CHST11: variants seen among roughly 807,000 people sequenced by gnomAD.
CHST11 encodes the protein carbohydrate sulfotransferase 11.
In CHST11, 9 loss-of-function variants were observed where a neutral mutation model predicts 30.4. The observed-to-expected ratio is 0.30, with a 90% CI of 0.18 to 0.52. CHST11 has a LOEUF of 0.52. CHST11 is among the 20% of genes least tolerant of loss of function. The pLI is 0.97. For missense variants in CHST11, 348 were observed against 460.6 expected (o/e 0.76, Z 2.24); for synonymous variants, 152 against 187.8 (o/e 0.81, Z 1.56).
At chr12:104,567,132 A>G (rs985845732) in intron 1 of CHST11, among the ~76,000 whole-genome samples, 1 of 152,212 alleles carries the variant, frequency 6.6e-6, no homozygotes, top group African/African-American at 2.4e-5. Context: ...GGAGTACACT[A>G]TCACACTGAC....
chr12:104,549,332 T>A (rs1033006004), intron 1 of CHST11, among the ~76,000 whole-genome samples: 4 of 152,302 alleles, frequency 2.6e-5, no homozygotes, highest in East Asian at 1.9e-4. Context: ...AGTCTGGAGT[T>A]ATTGCAATTC....
At chr12:104,599,344 T>C (rs1033644021) in intron 1 of CHST11, among the ~76,000 whole-genome samples, 16 of 152,194 alleles carry the variant, frequency 1.1e-4, no homozygotes, top group African/African-American at 3.4e-4. Context: ...ATGGATTCCA[T>C]GGTAGGCTTT....
intron 1 of CHST11, among the ~76,000 whole-genome samples, chr12:104,536,468 A>C (rs1234783764): frequency 6.6e-6 from 1 of 152,204 alleles, no homozygotes; most frequent in African/African-American, 2.4e-5. Context: ...TCACTTGTCC[A>C]TATGATGTAC....
intron 2 of CHST11, among the ~76,000 whole-genome samples, chr12:104,750,809 AT>A (rs1566064901): frequency 6.6e-6 from 1 of 152,074 alleles, no homozygotes; most frequent in Non-Finnish European, 1.5e-5. Context: ...AAATATTTTT[AT>A]TTTTTGAGAC....
rs191293084 is a variant in CHST11 at position 104,547,107 on chromosome 12, G to A, written c.119-54799G>A. On this transcript the variant is annotated intron_variant, in intron 1 of 2. Coordinates refer to ENST00000303694, the MANE Select transcript of CHST11 (RefSeq NM_018413.6). ...TCTAGCTGAGTCTAGGAAGGAATAC[G>A]AGTTTATAGTGCAGTGCCAGTAAGG... Among the ~76,000 whole-genome samples, 602 of 152,326 alleles carry A rather than the reference G, an allele frequency of 4.0e-3. 6 individuals are homozygous for A. The highest frequency in any genetic ancestry group is 0.014 in the African/African-American group (583 of 41,582).
intron 1 of CHST11, among the ~76,000 whole-genome samples, chr12:104,516,338 G>C (rs1039351017): frequency 6.6e-6 from 1 of 152,168 alleles, no homozygotes; most frequent in African/African-American, 2.4e-5. Flanking sequence ...CACGGTGTCT[G>C]TTCATATCCT....
chr12:104,601,980 A>G lies in CHST11; in HGVS notation c.193A>G (p.Asn65Asp), dbSNP rs2038961046. 2 of 1,613,146 alleles carry G rather than the reference A, an allele frequency of 1.2e-6. No individual in the cohort carries two copies. Among genetic ancestry groups the G allele is most frequent in the Non-Finnish European group, 1.7e-6 (2 of 1,179,770 alleles). Residue 65 changes from asparagine to aspartate, a missense_variant, in exon 2 of 3, where the codon AAC (asparagine) becomes GAC (aspartate). Around this residue, in one of 3 missense-constraint regions of CHST11, gnomAD observed 135 missense variants for 155.8 expected, o/e 0.87. Coordinates refer to ENST00000303694, the MANE Select transcript of CHST11 (RefSeq NM_018413.6). ...CCGAAGCCCCCTGCAGGAACTCTACAACCCAATCCAGGTAAGCTTCAAGCA... is the reference window on the plus strand; with the variant it reads ...CCGAAGCCCCCTGCAGGAACTCTACGACCCAATCCAGGTAAGCTTCAAGCA... ...GSRSPLQELY[N>D]PIQLELSNTA... is the part of the protein sequence containing the mutation.
chr12:104,632,072 A>T (rs2039276276), intron 2 of CHST11, among the ~76,000 whole-genome samples: 1 of 152,180 alleles, frequency 6.6e-6, no homozygotes, highest in South Asian at 2.1e-4. Flanking sequence ...GTAGGCACAG[A>T]TCATCCTGTC....
intron 2 of CHST11, among the ~76,000 whole-genome samples, chr12:104,620,880 G>A (rs182259084): frequency 6.6e-6 from 1 of 152,294 alleles, no homozygotes; most frequent in East Asian, 1.9e-4. Flanking sequence ...ATTGATAATT[G>A]AGTCTCCTTC....
intron 1 of CHST11, among the ~76,000 whole-genome samples, chr12:104,468,767 G>C (rs1160476567): frequency 6.6e-6 from 1 of 152,154 alleles, no homozygotes; most frequent in Non-Finnish European, 1.5e-5. Context: ...TTGATTGAAT[G>C]AGTGACTGAG....
intron 2 of CHST11, among the ~76,000 whole-genome samples, chr12:104,745,686 T>C (rs2040384413): frequency 6.6e-6 from 1 of 152,202 alleles, no homozygotes. Context: ...AGGTATTTTA[T>C]TCTTTTTGTG....
intron 1 of CHST11, among the ~76,000 whole-genome samples, chr12:104,571,045 C>T (rs758619801): frequency 1.4e-4 from 22 of 152,062 alleles, no homozygotes; most frequent in South Asian, 4.2e-4. Context: ...CAGCCTGGAA[C>T]GTAGGAATTC....
intron 1 of CHST11, among the ~76,000 whole-genome samples, chr12:104,568,430 G>A (rs1384975610): frequency 5.9e-5 from 9 of 152,166 alleles, no homozygotes; most frequent in Admixed American, 5.9e-4. Flanking sequence ...AAGTGTGGCT[G>A]ATTTTAATTG....
At chr12:104,482,974 G>C (rs2037641532) in intron 1 of CHST11, among the ~76,000 whole-genome samples, 2 of 152,194 alleles carry the variant, frequency 1.3e-5, no homozygotes, top group Non-Finnish European at 2.9e-5. Context: ...GTCTGAAACA[G>C]TGCTGATTCG....
chr12:104,515,904 T>C (rs1469008440), intron 1 of CHST11, among the ~76,000 whole-genome samples: 2 of 152,210 alleles, frequency 1.3e-5, no homozygotes, highest in Non-Finnish European at 2.9e-5. Flanking sequence ...AGGAGAGCAA[T>C]GTGCATAGAG....
intron 1 of CHST11, among the ~76,000 whole-genome samples, chr12:104,471,689 AG>A (rs2037510671): frequency 6.6e-6 from 1 of 152,232 alleles, no homozygotes; most frequent in Non-Finnish European, 1.5e-5. Context: ...CATTGAAAAA[AG>A]TGAAAAGAAA....
intron 2 of CHST11, among the ~76,000 whole-genome samples, chr12:104,694,786 C>T (rs981550939): frequency 6.6e-5 from 10 of 152,284 alleles, no homozygotes; most frequent in African/African-American, 2.4e-4. Context: ...GATTAAAGCT[C>T]GTTGGAGTTT....
At chr12:104,565,258 A>ATTTTTTTTTTT (rs66825272) in intron 1 of CHST11, among the ~76,000 whole-genome samples, 1 of 72,916 alleles carries the variant, frequency 1.4e-5, no homozygotes, top group Non-Finnish European at 2.5e-5. Context: ...GTTTTCTAGG[A>ATTTTTTTTTTT]TTTTTTTTTT....
rs1156490482 is a variant in CHST11, at chr12:104,495,475, A to G, written c.118+37946A>G. ...GTTCCAGTTTCCCCACATCCTTGCCAACACTTGTTACTTTCTAATTTTATT... is the reference window on the plus strand; with the variant it reads ...GTTCCAGTTTCCCCACATCCTTGCCGACACTTGTTACTTTCTAATTTTATT... On this transcript the variant is annotated intron_variant, in intron 1 of 2. Transcript: ENST00000303694. Among the ~76,000 whole-genome samples, 9 of 152,028 alleles carry G rather than the reference A, an allele frequency of 5.9e-5. No homozygotes were observed. The East Asian group carries it at 1.7e-3, about 29-fold the overall frequency.
Sources: gnomAD v4.1 joint callset for allele counts (sites outside exome capture counted in the v4.1 genomes callset) on GRCh38, gnomAD v4.1.1 for gene constraint, gnomAD v4.1.1 regional missense constraint, MANE v1.5 for transcripts, NCBI Gene and HGNC (gene_info 2026-07-23, HGNC 2026-07-21) for gene names.